MED27: variants seen among roughly 807,000 people sequenced by gnomAD.
MED27 encodes mediator of RNA polymerase II transcription subunit 27.
In MED27, 30 loss-of-function variants were observed where a neutral mutation model predicts 38.2. That is an observed-to-expected ratio of 0.79 (90% CI 0.59 to 1.07). MED27 has a LOEUF of 1.07. MED27 is among the 50% of genes least tolerant of loss of function. The pLI is 0.00. For synonymous variants in MED27, 122 were observed against 153.5 expected (o/e 0.79, Z 1.52); for missense variants, 289 against 397.5 (o/e 0.73, Z 2.32).
Position 131,893,918 on chromosome 9 carries a change from T to A in MED27, c.648A>T (p.Gly216=). The A allele has an allele frequency of 1.2e-6, 2 of 1,614,180 alleles. No individual in the cohort carries two copies. Among genetic ancestry groups the A allele is most frequent in the East Asian group, 4.5e-5 (2 of 44,884 alleles). The change falls in exon 5 of 8, where the codon GGA becomes GGT. Residue 216 remains glycine, a synonymous_variant. Transcript: ENST00000292035. ...CTTCTGTGTAGACATTCTCGTTATA[T>A]CCCTTTACTATTGTTCGATCAATGA... The part of the protein sequence containing the change: ...SLFIDRTIVK[G]YNENVYTEDG...
At chr9:131,907,905 C>T (rs1830101344) in intron 4 of MED27, among the ~76,000 whole-genome samples, 1 of 151,144 alleles carries the variant, frequency 6.6e-6, no homozygotes, top group Non-Finnish European at 1.5e-5. Flanking sequence ...CTCTGCCCGG[C>T]CGCGACCCCG....
chr9:131,925,180 C>T (rs1830460574), intron 4 of MED27, among the ~76,000 whole-genome samples: 2 of 152,182 alleles, frequency 1.3e-5, no homozygotes, highest in African/African-American at 2.4e-5. Flanking sequence ...AAAACTGTAG[C>T]CCACGGGTAC....
At chr9:131,998,027 C>G (rs1402874839) in intron 3 of MED27, among the ~76,000 whole-genome samples, 1 of 152,150 alleles carries the variant, frequency 6.6e-6, no homozygotes, top group Non-Finnish European at 1.5e-5. Context: ...CCAAAAAGCA[C>G]TGCTAACAGG....
intron 2 of MED27, among the ~76,000 whole-genome samples, chr9:132,047,307 C>T (rs559789430): frequency 5.9e-5 from 9 of 152,088 alleles, no homozygotes; most frequent in African/African-American, 1.2e-4. Context: ...TCGATAACCA[C>T]GAGGAAGAGT....
At chr9:131,915,235 A>T (rs773314293) in intron 4 of MED27, among the ~76,000 whole-genome samples, 38 of 152,202 alleles carry the variant, frequency 2.5e-4, no homozygotes, top group Non-Finnish European at 4.4e-4. Context: ...TAGCCAGTGA[A>T]GGGGGAGGTG....
intron 4 of MED27, among the ~76,000 whole-genome samples, chr9:131,921,601 G>A (rs1321419427): frequency 2.0e-5 from 3 of 152,220 alleles, no homozygotes; most frequent in African/African-American, 4.8e-5. Context: ...TTCAACCATT[G>A]TGGAAGACAG....
chr9:131,877,002 G>A (rs1156565060), intron 6 of MED27, among the ~76,000 whole-genome samples: 1 of 152,184 alleles, frequency 6.6e-6, no homozygotes, highest in Admixed American at 6.5e-5. Flanking sequence ...CACCATTTAA[G>A]AGGCGGGGAG....
chr9:131,991,969 C>T (rs1382129271), intron 3 of MED27, among the ~76,000 whole-genome samples: 1 of 152,220 alleles, frequency 6.6e-6, no homozygotes, highest in Admixed American at 6.5e-5. Flanking sequence ...GATCTGCCTG[C>T]CTCAGCCTCC....
intron 6 of MED27, among the ~76,000 whole-genome samples, chr9:131,874,143 C>T (rs532933898): frequency 3.3e-4 from 51 of 152,334 alleles, no homozygotes; most frequent in African/African-American, 1.2e-3. Flanking sequence ...CTGGAGGAAT[C>T]CGCCTCCCGC....
At chr9:132,017,254 G>A (rs1448136701) in intron 2 of MED27, among the ~76,000 whole-genome samples, 1 of 152,138 alleles carries the variant, frequency 6.6e-6, no homozygotes, top group African/African-American at 2.4e-5. Context: ...GTTTAGATCT[G>A]AAGAGGCTCC....
chr9:131,964,037 T>A (rs554677912), intron 3 of MED27, among the ~76,000 whole-genome samples: 2 of 152,070 alleles, frequency 1.3e-5, no homozygotes, highest in Non-Finnish European at 2.9e-5. Context: ...GAGTAAGTAC[T>A]GATCTGATTG....
chr9:131,990,826 T>C (rs1301935993), intron 3 of MED27, among the ~76,000 whole-genome samples: 1 of 152,210 alleles, frequency 6.6e-6, no homozygotes, highest in Non-Finnish European at 1.5e-5. Context: ...CCCACCTCTA[T>C]GCAAATCACC....
intron 2 of MED27, among the ~76,000 whole-genome samples, chr9:132,055,741 G>A (rs915348724): frequency 9.9e-5 from 15 of 152,196 alleles, no homozygotes; most frequent in Admixed American, 3.9e-4. Flanking sequence ...GAAAGCAGCC[G>A]AGACCATTAA....
chr9:131,984,931 G>C (rs1831816629), intron 3 of MED27, among the ~76,000 whole-genome samples: 1 of 152,032 alleles, frequency 6.6e-6, no homozygotes, highest in Non-Finnish European at 1.5e-5. Flanking sequence ...TCTATTACAA[G>C]TCCAGTTTTC....
chr9:131,941,817 A>ATTTTTTTTTTTTTTT (rs766438800), intron 3 of MED27, among the ~76,000 whole-genome samples: 6 of 82,514 alleles, frequency 7.3e-5, no homozygotes, highest in African/African-American at 1.0e-4. Flanking sequence ...ATTCTGCTGA[A>ATTTTTTTTTTTTTTT]TTTTTTTTTT....
At chr9:132,004,610 T>A (rs1832316234) in intron 3 of MED27, among the ~76,000 whole-genome samples, 1 of 152,078 alleles carries the variant, frequency 6.6e-6, no homozygotes, top group Non-Finnish European at 1.5e-5. Context: ...TCCAACCCTA[T>A]CCATCCTCAC....
chr9:131,911,205 C>T (rs944024398), intron 4 of MED27, among the ~76,000 whole-genome samples: 2 of 152,138 alleles, frequency 1.3e-5, no homozygotes, highest in African/African-American at 4.8e-5. Flanking sequence ...GCAAGTGATC[C>T]TTCCTTTGGG....
At chr9:132,007,694 T>C (rs1670803837) in intron 3 of MED27, among the ~76,000 whole-genome samples, 1 of 151,982 alleles carries the variant, frequency 6.6e-6, no homozygotes, top group African/African-American at 2.4e-5. Flanking sequence ...GTTTTGTCTA[T>C]GAATGAGAAT....
rs1831755210 is a variant in MED27, at chr9:131,982,396, G to A, written c.479+31941C>T. Among the ~76,000 whole-genome samples, 1 of 152,200 alleles carries A rather than the reference G, an allele frequency of 6.6e-6. No homozygotes were observed. The highest frequency in any genetic ancestry group is 6.5e-5 in the Admixed American group (1 of 15,284). The stretch of plus-strand genomic sequence containing the variant: ...ACCACACAACTGAATACAACTCCCT[G>A]AATGATCACTGACAAGATCAGGAGT... On this transcript the variant is annotated intron_variant, in intron 3 of 7. Transcript: ENST00000292035. This position sits in a 1 kb window ranked among gnomAD's most constrained non-coding sequence, Gnocchi z 4.3.
Sources: allele counts gnomAD v4.1 joint callset (sites outside exome capture counted in the v4.1 genomes callset), GRCh38; gene constraint gnomAD v4.1.1; non-coding constraint Gnocchi (gnomAD v3.1); transcripts MANE v1.5; gene names NCBI Gene and HGNC (gene_info 2026-07-23, HGNC 2026-07-21).